Variants in APP observed in about 807,000 individuals in gnomAD.
The protein encoded by APP is amyloid-beta precursor protein.
APP carries 31 observed loss-of-function variants against 101.4 expected under a neutral mutation model. The ratio of observed to expected loss-of-function variants is 0.31; its 90% CI spans 0.23 to 0.41. The LOEUF (loss-of-function observed/expected upper bound fraction) is 0.41, where lower values mean the gene tolerates loss of function less well. Among genes scored for constraint, APP ranks in the 10% least tolerant of loss-of-function variants. The pLI is 1.00. For synonymous variants in APP, 366 were observed against 364.4 expected (o/e 1.00, Z -0.05); for missense variants, 839 against 1,003.7 (o/e 0.84, Z 2.22).
intron 13 of APP, among the ~76,000 whole-genome samples, chr21:25,912,385 C>T (rs922609287): frequency 6.6e-6 from 1 of 152,206 alleles, no homozygotes; most frequent in Admixed American, 6.5e-5. Flanking sequence ...CTCATTCAAG[C>T]TGAAAGACAA....
chr21:26,131,251 A>G (rs1949268837), intron 1 of APP, among the ~76,000 whole-genome samples: 1 of 151,916 alleles, frequency 6.6e-6, no homozygotes. Context: ...AAATAAATAA[A>G]TAAATTAATT....
chr21:26,111,087 TAAAAAAA>T (rs576900084), intron 2 of APP, among the ~76,000 whole-genome samples: 9 of 88,474 alleles, frequency 1.0e-4, no homozygotes, highest in South Asian at 3.4e-4. Context: ...AAAGTTAAGT[TAAAAAAA>T]AAAAAAAAAA....
intron 8 of APP, among the ~76,000 whole-genome samples, chr21:25,984,565 AATCAT>A (rs1433525675): frequency 1.3e-5 from 2 of 152,210 alleles, no homozygotes; most frequent in African/African-American, 4.8e-5. Flanking sequence ...TTTTTAACTT[AATCAT>A]TAAGTTAAAA....
At chr21:26,170,962 C>G (rs903985921), upstream of APP, 2 of 222,776 alleles carry the variant, frequency 9.0e-6, no homozygotes, top group Non-Finnish European at 1.8e-5. Context: ...CGCGCCCCCT[C>G]CGCTCCCCGG....
chr21:25,929,965 T>C (rs2146389880), intron 13 of APP, among the ~76,000 whole-genome samples: 1 of 152,296 alleles, frequency 6.6e-6, no homozygotes, highest in South Asian at 2.1e-4. Flanking sequence ...CCTTTGCTTC[T>C]GATAAAGCCA....
intron 1 of APP, among the ~76,000 whole-genome samples, chr21:26,144,170 C>A (rs535362207): frequency 6.6e-6 from 1 of 152,278 alleles, no homozygotes; most frequent in East Asian, 1.9e-4. Context: ...ATTACCAGAA[C>A]AGGATGGGGG....
intron 13 of APP, among the ~76,000 whole-genome samples, chr21:25,924,429 G>A (rs140497939): frequency 0.045 from 2,414 of 53,854 alleles, 122 homozygotes; most frequent in African/African-American, 0.068. Context: ...AAAAAAAAAG[G>A]AAAAAAAAAA....
At position 26,053,558 on chromosome 21, in the gene APP, T is replaced by C. The variant is rs1182057158; in HGVS notation, c.356-210A>G. On this transcript the variant is annotated intron_variant, in intron 3 of 17. Transcript: ENST00000346798. ...GCCACTTCAAGTTTGATGGTTAAAA[T>C]AATGCCTAAATGCTGCAAGTGAAAT... 3 of 482,950 alleles carry C rather than the reference T, an allele frequency of 6.2e-6. No individual in the cohort carries two copies. In the Admixed American group the frequency reaches 1.0e-4, roughly 16 times the overall value. The allele number at this position is 482,950 out of a possible 1,614,324, so 29.9% of individuals were successfully genotyped here.
At chr21:25,939,672 T>C (rs905598485) in intron 13 of APP, among the ~76,000 whole-genome samples, 21 of 152,208 alleles carry the variant, frequency 1.4e-4, no homozygotes, top group Admixed American at 6.5e-5. Context: ...TTTTTTCAGT[T>C]TTTCTCATGA....
At chr21:25,904,684 T>C (rs2038692472) in intron 15 of APP, among the ~76,000 whole-genome samples, 1 of 152,160 alleles carries the variant, frequency 6.6e-6, no homozygotes, top group African/African-American at 2.4e-5. Flanking sequence ...TATCTGGGCT[T>C]CTGTTTTTAA....
chr21:25,926,411 T>A (rs1365302907), intron 13 of APP, among the ~76,000 whole-genome samples: 3 of 152,182 alleles, frequency 2.0e-5, no homozygotes, highest in African/African-American at 7.2e-5. Flanking sequence ...GATTAGCATA[T>A]ATGCTACAGC....
intron 9 of APP, among the ~76,000 whole-genome samples, chr21:25,980,445 C>T (rs1391881166): frequency 1.4e-5 from 2 of 143,074 alleles, no homozygotes; most frequent in Admixed American, 1.5e-4. Flanking sequence ...TGTGTCTTTC[C>T]TAAGGAAAGA....
chr21:26,156,820 T>A (rs376472443), intron 1 of APP, among the ~76,000 whole-genome samples: 5 of 151,574 alleles, frequency 3.3e-5, no homozygotes, highest in Non-Finnish European at 7.4e-5. Context: ...AATTCTAATA[T>A]AATTAAAATT....
chr21:26,080,763 C>CT (rs2061581789), intron 3 of APP, among the ~76,000 whole-genome samples: 1 of 144,410 alleles, frequency 6.9e-6, no homozygotes, highest in African/African-American at 2.6e-5. Context: ...AAGCTAGACT[C>CT]TATCTCAAAA....
intron 5 of APP, among the ~76,000 whole-genome samples, chr21:26,024,583 C>A (rs1033312188): frequency 6.6e-6 from 1 of 152,158 alleles, no homozygotes; most frequent in South Asian, 2.1e-4. Flanking sequence ...CTAACAGGAC[C>A]GCCATAAGTA....
intron 1 of APP, among the ~76,000 whole-genome samples, chr21:26,130,996 G>A (rs370140877): frequency 1.3e-5 from 2 of 152,228 alleles, no homozygotes; most frequent in East Asian, 3.9e-4. Flanking sequence ...TTGGGAGGCC[G>A]AGGCAGGTGG....
At chr21:26,125,428 A>C (rs1357394311) in intron 1 of APP, among the ~76,000 whole-genome samples, 5 of 152,166 alleles carry the variant, frequency 3.3e-5, no homozygotes, top group African/African-American at 9.7e-5. Flanking sequence ...ATTTTAAAAG[A>C]AATTAAACAT....
intron 1 of APP, among the ~76,000 whole-genome samples, chr21:26,120,609 A>C (rs1440574746): frequency 6.6e-6 from 1 of 152,190 alleles, no homozygotes; most frequent in Admixed American, 6.5e-5. Flanking sequence ...GGAGATGGTA[A>C]TCAATCTTTG....
intron 11 of APP, among the ~76,000 whole-genome samples, chr21:25,959,501 T>C (rs1299899200): frequency 6.6e-6 from 1 of 152,242 alleles, no homozygotes; most frequent in African/African-American, 2.4e-5. Flanking sequence ...GACAGTCTGT[T>C]CCAGGAGTAC....
Sources: gnomAD v4.1 joint callset for allele counts (sites outside exome capture counted in the v4.1 genomes callset) on GRCh38, gnomAD v4.1.1 for gene constraint, MANE v1.5 for transcripts, NCBI Gene and HGNC (gene_info 2026-07-23, HGNC 2026-07-21) for gene names.